NCF2: variants seen among roughly 807,000 people sequenced by gnomAD.
NCF2 encodes neutrophil cytosolic factor 2, also known as neutrophil cytosol factor 2.
Under a neutral mutation model 70.9 loss-of-function variants are expected in NCF2, and 45 were observed. The ratio of observed to expected loss-of-function variants is 0.63; its 90% confidence interval spans 0.50 to 0.81. The LOEUF (loss-of-function observed/expected upper bound fraction) is 0.81. Among genes scored for constraint, NCF2 ranks in the 40% least tolerant of loss-of-function variants. NCF2 has a pLI of 0.00. For missense variants in NCF2, 522 were observed against 631.6 expected (o/e 0.83, Z 1.86); for synonymous variants, 203 against 233.6 (o/e 0.87, Z 1.19).
intron 6 of NCF2, among the ~76,000 whole-genome samples, chr1:183,569,559 C>T (rs1402011328): frequency 2.0e-5 from 3 of 152,184 alleles, no homozygotes; most frequent in Admixed American, 6.5e-5. Flanking sequence ...TACTATGTCA[C>T]ATGACACTTC....
the NCF2 span, among the ~76,000 whole-genome samples, chr1:183,600,909 G>T: frequency 6.6e-6 from 1 of 152,160 alleles, no homozygotes; most frequent in South Asian, 2.1e-4. Flanking sequence ...CAGAGCTGTG[G>T]TTCCCCATGC....
chr1:183,561,534 T>C (rs1026802161), intron 13 of NCF2, among the ~76,000 whole-genome samples: 3 of 152,234 alleles, frequency 2.0e-5, no homozygotes, highest in African/African-American at 4.8e-5. Context: ...GTGGCAGTAC[T>C]CTTCTAAATA....
chr1:183,573,732 A>G (rs35514775), intron 4 of NCF2, among the ~76,000 whole-genome samples: 2,928 of 152,330 alleles, frequency 0.019, 96 homozygotes, highest in African/African-American at 0.067. Flanking sequence ...ATCAGATTTA[A>G]AGCTAGCCTT....
At chr1:183,557,791 T>G (rs1045764596) in intron 14 of NCF2, among the ~76,000 whole-genome samples, 2 of 152,178 alleles carry the variant, frequency 1.3e-5, no homozygotes, top group African/African-American at 4.8e-5. Context: ...ACCTTTAAAG[T>G]GGCACTTGGA....
At chr1:183,599,124 G>A in the NCF2 span, among the ~76,000 whole-genome samples, 1 of 152,322 alleles carries the variant, frequency 6.6e-6, no homozygotes, top group Admixed American at 6.5e-5. Context: ...GCTCATGCCT[G>A]TAATCCCAGC....
At chr1:183,567,599 A>C (rs375817556) in intron 7 of NCF2, 1 of 586,120 alleles carries the variant, frequency 1.7e-6, no homozygotes, top group Admixed American at 2.5e-5. Flanking sequence ...GATAGTGAGG[A>C]CTTACAATCC....
intron 4 of NCF2, among the ~76,000 whole-genome samples, chr1:183,573,655 A>T (rs1672670782): frequency 6.6e-6 from 1 of 152,168 alleles, no homozygotes. Flanking sequence ...GCTCCCTTGG[A>T]TGGGTGTTTG....
chr1:183,555,984 A>C lies in NCF2; in HGVS notation c.*134T>G. ...ACTCACATCATTGTCTAGTAGGTTA[A>C]ATTTTAACAGGGAATAAATAGTTAA... On this transcript the variant is annotated 3_prime_UTR_variant, in exon 15 of 15. Coordinates refer to ENST00000367535, the MANE Select transcript of NCF2 (RefSeq NM_000433.4). 1.2e-6 allele frequency: 1 copy of C among 805,988 alleles called. No individual in the cohort carries two copies. The highest frequency in any genetic ancestry group is 2.0e-5 in the Admixed American group (1 of 48,880). The allele number at this position is 805,988 out of a possible 1,614,324, so 49.9% of individuals were successfully genotyped here.
At chr1:183,576,649 C>A (rs1672812999) in intron 3 of NCF2, among the ~76,000 whole-genome samples, 1 of 152,204 alleles carries the variant, frequency 6.6e-6, no homozygotes, top group South Asian at 2.1e-4. Context: ...CCAATTCCAA[C>A]TGCAAAGCCC....
chr1:183,568,166 C>T (rs1672394572), intron 7 of NCF2, among the ~76,000 whole-genome samples: 1 of 151,556 alleles, frequency 6.6e-6, no homozygotes, highest in Non-Finnish European at 1.5e-5. Flanking sequence ...GTACTTTTGT[C>T]ACTTTTTTTT....
chr1:183,579,248 C>A (rs1309197467), intron 2 of NCF2, among the ~76,000 whole-genome samples: 1 of 152,182 alleles, frequency 6.6e-6, no homozygotes, highest in Non-Finnish European at 1.5e-5. Flanking sequence ...AATATTATGG[C>A]AGCATATTGT....
At chr1:183,597,174 C>G in the NCF2 span, among the ~76,000 whole-genome samples, 35 of 152,312 alleles carry the variant, frequency 2.3e-4, no homozygotes, top group African/African-American at 8.4e-4. Context: ...CCTTTTCAGT[C>G]CTGCATTTTT....
rs144819622 is a variant in NCF2, at chr1:183,583,621, C to T, written c.257+3274G>A. Among the ~76,000 whole-genome samples, 45 of 152,268 alleles carry T rather than the reference C, an allele frequency of 3.0e-4. No individual in the cohort carries two copies. In the East Asian group the frequency reaches 6.6e-3, roughly 22 times the overall value. ...AGCATGAGTAAGTAAAGATTTCTTA[C>T]GAAATTCGTAGAGTAGTGGAGAAGA... On this transcript the variant is annotated intron_variant, in intron 2 of 14. Coordinates refer to ENST00000367535, the MANE Select transcript of NCF2 (RefSeq NM_000433.4).
At chr1:183,565,209 C>T (rs551909408) in intron 10 of NCF2, among the ~76,000 whole-genome samples, 2 of 152,336 alleles carry the variant, frequency 1.3e-5, no homozygotes, top group South Asian at 4.1e-4. Flanking sequence ...CTTCCCAAGA[C>T]AGCCCTCTCC....
chr1:183,572,417 C>T (rs1572161014), intron 5 of NCF2, among the ~76,000 whole-genome samples: 2 of 152,118 alleles, frequency 1.3e-5, no homozygotes, highest in South Asian at 2.1e-4. Flanking sequence ...CTCCTGACCT[C>T]GTGATCCACC....
the NCF2 span, among the ~76,000 whole-genome samples, chr1:183,599,284 G>A: frequency 1.3e-5 from 2 of 152,156 alleles, no homozygotes; most frequent in Admixed American, 1.3e-4. Flanking sequence ...AGGAGTTTGA[G>A]GCAGGAGGAT....
the NCF2 span, among the ~76,000 whole-genome samples, chr1:183,599,476 TTCTTTC>T: frequency 4.2e-5 from 6 of 142,686 alleles, no homozygotes; most frequent in African/African-American, 1.6e-4. Context: ...CTTTCTTTCT[TTCTTTC>T]TCTTTTCTTT....
upstream of NCF2, among the ~76,000 whole-genome samples, chr1:183,592,765 G>T (rs1673710337): frequency 6.6e-6 from 1 of 152,094 alleles, no homozygotes; most frequent in Non-Finnish European, 1.5e-5. Context: ...ATCCCACCCT[G>T]ACACTCAGAA....
rs137854516 is a variant in NCF2 at position 183,574,579 on chromosome 1, A to C, written c.409T>G (p.Trp137Gly). Reference sequence around the variant, plus strand: ...GCTAACTGTTCTTCAGCTTTTTTCCATTCCTCCTTCTTGGCATACATGAAA... The same window carrying C: ...GCTAACTGTTCTTCAGCTTTTTTCCCTTCCTCCTTCTTGGCATACATGAAA... ...IAFMYAKKEE[W>G]KKAEEQLALA... The change falls in exon 4 of 15, where the codon TGG becomes GGG. Residue 137 changes from tryptophan to glycine, a missense_variant. Trp to Gly is a radical substitution (Grantham distance 184, BLOSUM62 -2). Coordinates refer to ENST00000367535, the MANE Select transcript of NCF2 (RefSeq NM_000433.4). 1 of 1,614,108 alleles carries C rather than the reference A, an allele frequency of 6.2e-7. No homozygotes were observed.
Sources: gnomAD v4.1 joint callset for allele counts (sites outside exome capture counted in the v4.1 genomes callset) on GRCh38, gnomAD v4.1.1 for gene constraint, MANE v1.5 for transcripts, NCBI Gene and HGNC (gene_info 2026-07-23, HGNC 2026-07-21) for gene names.